Variants in CNTNAP2 observed in about 807,000 individuals in gnomAD.
CNTNAP2 encodes the protein contactin associated protein 2.
CNTNAP2 carries 98 observed loss-of-function variants against 155.2 expected under a neutral mutation model. The ratio of observed to expected loss-of-function variants is 0.63; its 90% confidence interval spans 0.54 to 0.75. CNTNAP2 has a LOEUF of 0.75. CNTNAP2 is among the 30% of genes least tolerant of loss of function. The pLI is 0.00. For synonymous variants in CNTNAP2, 651 were observed against 631.2 expected (o/e 1.03, Z -0.47); for missense variants, 1,727 against 1,688.1 (o/e 1.02, Z -0.40).
rs763147267 is a variant in CNTNAP2 at position 147,515,321 on chromosome 7, C to CTTTTTTTTTTTTTTTTTTTTTT, written c.1777+29287_1777+29288insTTTTTTTTTTTTTTTTTTTTTT. On this transcript the variant is annotated intron_variant, in intron 11 of 23. Transcript: ENST00000361727. ...ATTTTTCTTCATAGTTCATTATATT[C>CTTTTTTTTTTTTTTTTTTTTTT]TTTTTTTGTTTGTTTGTTTTGAGAC... Among the ~76,000 whole-genome samples the CTTTTTTTTTTTTTTTTTTTTTT allele has an allele frequency of 2.4e-5, 3 of 126,164 alleles. 1 individual carries two copies. The highest frequency in any genetic ancestry group is 3.3e-5 in the Non-Finnish European group (2 of 60,502). The allele number at this position is 126,164 out of a possible 152,430, so 82.8% of individuals were successfully genotyped here.
intron 11 of CNTNAP2, among the ~76,000 whole-genome samples, chr7:147,532,389 C>A (rs1332024840): frequency 3.3e-5 from 5 of 152,174 alleles, no homozygotes; most frequent in Non-Finnish European, 7.3e-5. Flanking sequence ...TCTGAGACCA[C>A]CTCAGCCTGG....
At chr7:147,494,614 C>T (rs2116655060) in intron 11 of CNTNAP2, among the ~76,000 whole-genome samples, 1 of 152,244 alleles carries the variant, frequency 6.6e-6, no homozygotes, top group Non-Finnish European at 1.5e-5. Context: ...ATTAAACTCC[C>T]TGTAGTTTGA....
intron 13 of CNTNAP2, among the ~76,000 whole-genome samples, chr7:147,706,755 C>T (rs1275917207): frequency 6.6e-6 from 1 of 152,178 alleles, no homozygotes; most frequent in Admixed American, 6.5e-5. Flanking sequence ...CCTTCTACAG[C>T]ACCCAGAATT....
At chr7:147,555,339 T>C (rs1327861314) in intron 11 of CNTNAP2, among the ~76,000 whole-genome samples, 2 of 152,138 alleles carry the variant, frequency 1.3e-5, no homozygotes, top group Non-Finnish European at 1.5e-5. Flanking sequence ...TGAAAAGGCT[T>C]CTTTATCCAT....
chr7:147,519,077 C>T (rs577887288), intron 11 of CNTNAP2, among the ~76,000 whole-genome samples: 3 of 146,964 alleles, frequency 2.0e-5, no homozygotes, highest in African/African-American at 5.0e-5. Flanking sequence ...GCTGCTCTAA[C>T]AAATTATCAC....
chr7:146,738,397 G>A (rs1052715049), intron 1 of CNTNAP2, among the ~76,000 whole-genome samples: 1 of 151,842 alleles, frequency 6.6e-6, no homozygotes, highest in African/African-American at 2.4e-5. Context: ...AGTACCTTAT[G>A]TATTTTGAAT....
At chr7:146,224,685 C>G (rs567211554) in intron 1 of CNTNAP2, among the ~76,000 whole-genome samples, 1 of 152,022 alleles carries the variant, frequency 6.6e-6, no homozygotes, top group Non-Finnish European at 1.5e-5. Context: ...AGGAGAATGG[C>G]GTGAACCCGG....
chr7:146,598,147 G>A (rs1798891178), intron 1 of CNTNAP2, among the ~76,000 whole-genome samples: 1 of 152,056 alleles, frequency 6.6e-6, no homozygotes, highest in African/African-American at 2.4e-5. Context: ...GTCTCACTGT[G>A]TTTCACGACC....
At chr7:146,151,672 ATATATATATGTATATATATATATATG>A (rs1798048893) in intron 1 of CNTNAP2, among the ~76,000 whole-genome samples, 1 of 41,818 alleles carries the variant, frequency 2.4e-5, no homozygotes, top group Admixed American at 2.7e-4. Flanking sequence ...ATATATATAT[ATATATATATGTATATATATATATATG>A]TATATATATA....
intron 15 of CNTNAP2, among the ~76,000 whole-genome samples, chr7:148,077,097 C>T (rs764493744): frequency 6.6e-6 from 1 of 152,024 alleles, no homozygotes; most frequent in Non-Finnish European, 1.5e-5. Context: ...CACCTGAGGT[C>T]GGGAGTTCGA....
intron 21 of CNTNAP2, among the ~76,000 whole-genome samples, chr7:148,337,531 ATCT>A (rs1798141939): frequency 6.6e-6 from 1 of 152,156 alleles, no homozygotes; most frequent in South Asian, 2.1e-4. Context: ...TTTTTGTTTG[ATCT>A]TCTCAGAATC....
rs553361244 is a variant in CNTNAP2 at position 146,999,078 on chromosome 7, T to A, written c.403-44829T>A. Among the ~76,000 whole-genome samples, 4 of 152,080 alleles carry A rather than the reference T, an allele frequency of 2.6e-5. No homozygotes were observed. In the South Asian group the frequency reaches 8.3e-4, roughly 32 times the overall value. On this transcript the variant is annotated intron_variant, in intron 3 of 23. Transcript: ENST00000361727. ...TCATTCTTCCTTTCTTTCTTACTGC[T>A]TTCCTTTGTGATTAAGTAATTTTCA... is the stretch of plus-strand genomic sequence containing the variant.
At chr7:148,043,156 A>G (rs1802709404) in intron 15 of CNTNAP2, among the ~76,000 whole-genome samples, 1 of 152,334 alleles carries the variant, frequency 6.6e-6, no homozygotes, top group African/African-American at 2.4e-5. Flanking sequence ...AGTGAGTCAC[A>G]GTGTCACTAA....
At chr7:147,142,628 C>G (rs961424770) in intron 8 of CNTNAP2, among the ~76,000 whole-genome samples, 20 of 151,872 alleles carry the variant, frequency 1.3e-4, no homozygotes, top group Admixed American at 8.5e-4. Context: ...TCTATTGATT[C>G]GAATAGTTTC....
At chr7:146,606,491 T>C (rs950011660) in intron 1 of CNTNAP2, among the ~76,000 whole-genome samples, 2 of 152,324 alleles carry the variant, frequency 1.3e-5, no homozygotes, top group Admixed American at 6.5e-5. Context: ...TTATTTGTTA[T>C]TTAGAAGATT....
intron 20 of CNTNAP2, among the ~76,000 whole-genome samples, chr7:148,253,975 C>A (rs1221786475): frequency 6.6e-6 from 1 of 152,032 alleles, no homozygotes; most frequent in Non-Finnish European, 1.5e-5. Context: ...GTCCTGCATC[C>A]CAAGAATACT....
At chr7:148,125,851 G>A (rs1447511436) in intron 16 of CNTNAP2, among the ~76,000 whole-genome samples, 1 of 151,796 alleles carries the variant, frequency 6.6e-6, no homozygotes, top group African/African-American at 2.4e-5. Context: ...ACAGACATGT[G>A]CCACTATGCC....
In CNTNAP2 at chr7:148,415,645, A is replaced by G. The variant is rs1007628109; in HGVS notation, c.*29A>G. On this transcript the variant is annotated 3_prime_UTR_variant, in exon 24 of 24. Transcript: ENST00000361727. ...GTGGCTACTTGGCTATGGGATAGGG[A>G]GGAGGGAATTACTAGGGAGGAGAGA... 2 of 1,612,000 alleles carry G rather than the reference A, an allele frequency of 1.2e-6. No individual in the cohort carries two copies. Among genetic ancestry groups the G allele is most frequent in the Non-Finnish European group, 1.7e-6 (2 of 1,179,618 alleles).
At chr7:147,475,726 G>C (rs987845791) in intron 10 of CNTNAP2, among the ~76,000 whole-genome samples, 2 of 152,006 alleles carry the variant, frequency 1.3e-5, no homozygotes, top group African/African-American at 4.8e-5. Context: ...TTTATAAAAA[G>C]TATTCCACCA....
Sources: allele counts gnomAD v4.1 joint callset (sites outside exome capture counted in the v4.1 genomes callset), GRCh38; gene constraint gnomAD v4.1.1; transcripts MANE v1.5; gene names NCBI Gene and HGNC (gene_info 2026-07-23, HGNC 2026-07-21).